The following CRY1 variants were observed in gnomAD, a reference collection of about 807,000 sequenced individuals.
CRY1 encodes the protein cryptochrome-1.
CRY1 carries 45 observed loss-of-function variants against 76.0 expected under a neutral mutation model. That is an observed-to-expected ratio of 0.59 (90% CI 0.47 to 0.76). The LOEUF is 0.76. Ranked by LOEUF, CRY1 falls within the 30% of genes least tolerant of loss-of-function variation. CRY1 has a pLI of 0.00. For missense variants in CRY1, 587 were observed against 716.4 expected (o/e 0.82, Z 2.06); for synonymous variants, 248 against 244.0 (o/e 1.02, Z -0.15).
intron 1 of CRY1, among the ~76,000 whole-genome samples, chr12:107,031,578 A>G (rs1009860318): frequency 3.3e-5 from 5 of 152,200 alleles, no homozygotes; most frequent in African/African-American, 1.2e-4. Context: ...AATCAGAGTC[A>G]ACAACACCAG....
intron 1 of CRY1, among the ~76,000 whole-genome samples, chr12:107,070,671 TTTATTTA>T (rs1953177553): frequency 3.2e-5 from 2 of 63,092 alleles, no homozygotes; most frequent in African/African-American, 4.6e-5. Flanking sequence ...CTTATTTTTA[TTTATTTA>T]TTTATTTATT....
intron 1 of CRY1, among the ~76,000 whole-genome samples, chr12:107,056,764 G>C (rs988828559): frequency 7.2e-5 from 11 of 152,112 alleles, no homozygotes; most frequent in Admixed American, 1.3e-4. Flanking sequence ...CTTCAAAGCA[G>C]CTAGAGGATA....
At chr12:107,039,488 C>A (rs1952772897) in intron 1 of CRY1, among the ~76,000 whole-genome samples, 1 of 152,066 alleles carries the variant, frequency 6.6e-6, no homozygotes, top group Admixed American at 6.5e-5. Context: ...CAGAAAACAA[C>A]CCGTTAAAAA....
At chr12:107,029,348 T>C (rs1952651564) in intron 1 of CRY1, among the ~76,000 whole-genome samples, 1 of 152,172 alleles carries the variant, frequency 6.6e-6, no homozygotes, top group Non-Finnish European at 1.5e-5. Flanking sequence ...CCTAGCACTT[T>C]TGGGAAGCCA....
chr12:107,041,788 G>T (rs1415181654), intron 1 of CRY1, among the ~76,000 whole-genome samples: 1 of 151,794 alleles, frequency 6.6e-6, no homozygotes, highest in Non-Finnish European at 1.5e-5. Context: ...GTAGGACTAT[G>T]GGGTGGGGGT....
intron 1 of CRY1, among the ~76,000 whole-genome samples, chr12:107,048,591 T>A (rs901148823): frequency 6.6e-6 from 1 of 152,216 alleles, no homozygotes; most frequent in Non-Finnish European, 1.5e-5. Context: ...ACCGTATGTC[T>A]CTCATGCTAT....
intron 1 of CRY1, among the ~76,000 whole-genome samples, chr12:107,026,124 T>TAATTAC (rs1952607652): frequency 8.3e-5 from 2 of 24,184 alleles, no homozygotes; most frequent in Admixed American, 6.4e-4. Flanking sequence ...ATATATATTA[T>TAATTAC]ATATAATTAC....
chr12:107,062,342 G>T (rs1356644242), intron 1 of CRY1, among the ~76,000 whole-genome samples: 1 of 152,014 alleles, frequency 6.6e-6, no homozygotes, highest in Admixed American at 6.6e-5. Context: ...TTCATAATTT[G>T]TATTACATTC....
At chr12:107,024,970 G>A (rs1246017215) in intron 1 of CRY1, among the ~76,000 whole-genome samples, 2 of 152,142 alleles carry the variant, frequency 1.3e-5, no homozygotes, top group East Asian at 3.9e-4. Flanking sequence ...AAAAGCAAAA[G>A]AGAAGGCTAA....
intron 1 of CRY1, among the ~76,000 whole-genome samples, chr12:107,065,478 C>T (rs1393470739): frequency 1.3e-5 from 2 of 151,718 alleles, no homozygotes; most frequent in African/African-American, 4.8e-5. Context: ...GCCTGTAATC[C>T]CAGCTACTCG....
At position 106,992,827 on chromosome 12, in the gene CRY1, T is replaced by C; in HGVS notation, c.1721A>G (p.Gln574Arg). Residue 574 changes from glutamine (Q) to arginine (R), a missense_variant, in exon 12 of 13, where the codon CAG (glutamine) becomes CGG (arginine). Transcript: ENST00000008527. ...TCTCTGGACTTTAGGACCAATACTC[T>C]GTGTGTCCTCTTCCTGACTAGGACG... ...GKRPSQEEDT[Q>R]SIGPKVQRQS... 7 of 1,614,058 alleles carry C rather than the reference T, an allele frequency of 4.3e-6. No homozygotes were observed. The highest frequency in any genetic ancestry group is 5.9e-6 in the Non-Finnish European group (7 of 1,179,918).
intron 1 of CRY1, among the ~76,000 whole-genome samples, chr12:107,065,438 C>CA (rs1953098050): frequency 6.6e-6 from 1 of 151,908 alleles, no homozygotes; most frequent in Non-Finnish European, 1.5e-5. Context: ...ACTAAAAATA[C>CA]AAAAAAATTA....
chr12:107,065,743 A>C (rs1235490623), intron 1 of CRY1, among the ~76,000 whole-genome samples: 1 of 152,252 alleles, frequency 6.6e-6, no homozygotes, highest in African/African-American at 2.4e-5. Flanking sequence ...CATGAAAGAT[A>C]AGGAAATTGG....
intron 1 of CRY1, among the ~76,000 whole-genome samples, chr12:107,046,274 C>T (rs1034129864): frequency 3.5e-5 from 5 of 143,556 alleles, no homozygotes; most frequent in Non-Finnish European, 7.6e-5. Flanking sequence ...GGCTGGGTGA[C>T]AGAGTGAGAC....
In CRY1 at chr12:107,036,763, C is replaced by A. The variant is rs527644710; in HGVS notation, c.159-14571G>T. Among the ~76,000 whole-genome samples the A allele has an allele frequency of 5.3e-5, 8 of 152,150 alleles. No individual in the cohort carries two copies. The East Asian group carries it at 1.5e-3, about 29-fold the overall frequency. ...GCCAGAAATGCTCCTACTTCAGTAC[C>A]TTTGCACAGGATGTTCTTTCCATCC... is the stretch of plus-strand genomic sequence containing the variant. On this transcript the variant is annotated intron_variant, in intron 1 of 12. Coordinates refer to ENST00000008527, the MANE Select transcript of CRY1 (RefSeq NM_004075.5).
intron 1 of CRY1, among the ~76,000 whole-genome samples, chr12:107,045,961 A>T (rs1010709363): frequency 2.6e-5 from 4 of 152,028 alleles, no homozygotes; most frequent in Non-Finnish European, 5.9e-5. Context: ...AAGTATAATT[A>T]CAAAAAAATA....
At chr12:107,019,724 T>A (rs1259905385) in intron 2 of CRY1, among the ~76,000 whole-genome samples, 1 of 152,078 alleles carries the variant, frequency 6.6e-6, no homozygotes, top group Non-Finnish European at 1.5e-5. Flanking sequence ...GGCTAGAAGA[T>A]TGAGACTAGC....
Position 106,992,907 on chromosome 12 carries a change from T to C in CRY1, c.1658-17A>G. ...AGCTTCTTCCTGCACATTTAAAAAATGTATGTTTAAGATAGGAAAAGGAAA... is the reference window on the plus strand; with the variant it reads ...AGCTTCTTCCTGCACATTTAAAAAACGTATGTTTAAGATAGGAAAAGGAAA... On this transcript the variant is annotated splice_polypyrimidine_tract_variant and intron_variant, in intron 11 of 12. Transcript: ENST00000008527. The C allele has an allele frequency of 6.2e-7, 1 of 1,613,844 alleles. No homozygotes were observed. The highest frequency in any genetic ancestry group is 1.7e-5 in the Admixed American group (1 of 60,010).
intron 1 of CRY1, among the ~76,000 whole-genome samples, chr12:107,037,567 G>A (rs1211472541): frequency 6.6e-6 from 1 of 152,014 alleles, no homozygotes; most frequent in East Asian, 1.9e-4. Context: ...AGGTTCTACT[G>A]GGAGTCAATC....
Sources: gnomAD v4.1 joint callset for allele counts (sites outside exome capture counted in the v4.1 genomes callset) on GRCh38, gnomAD v4.1.1 for gene constraint, MANE v1.5 for transcripts, NCBI Gene and HGNC (gene_info 2026-07-23, HGNC 2026-07-21) for gene names.